LMBR1: variants seen among roughly 807,000 people sequenced by gnomAD.
LMBR1 encodes the protein limb region 1 protein homolog.
LMBR1 carries 52 observed loss-of-function variants against 73.9 expected under a neutral mutation model. The ratio of observed to expected loss-of-function variants is 0.70; its 90% CI spans 0.56 to 0.89. The LOEUF is 0.89. Among genes scored for constraint, LMBR1 ranks in the 40% least tolerant of loss-of-function variants. LMBR1 has a pLI of 0.00. For synonymous variants in LMBR1, 215 were observed against 209.4 expected (o/e 1.03, Z -0.23); for missense variants, 539 against 579.8 (o/e 0.93, Z 0.72).
chr7:156,720,749 CT>C (rs1814385276), intron 15 of LMBR1, among the ~76,000 whole-genome samples: 1 of 151,404 alleles, frequency 6.6e-6, no homozygotes, highest in Admixed American at 6.6e-5. Flanking sequence ...ATCATATATA[CT>C]TTTTGGTGAG....
At chr7:156,881,300 T>C (rs1386022969) in intron 1 of LMBR1, among the ~76,000 whole-genome samples, 3 of 152,164 alleles carry the variant, frequency 2.0e-5, no homozygotes, top group Non-Finnish European at 2.9e-5. Context: ...ATTCAAAAAA[T>C]GCAGTCTTCT....
At chr7:156,831,194 A>C (rs1836610735) in intron 3 of LMBR1, among the ~76,000 whole-genome samples, 1 of 152,070 alleles carries the variant, frequency 6.6e-6, no homozygotes, top group Non-Finnish European at 1.5e-5. Flanking sequence ...AAAGAATTCT[A>C]AGCAGACAAA....
At chr7:156,813,562 C>A (rs962316479) in intron 4 of LMBR1, among the ~76,000 whole-genome samples, 1 of 152,134 alleles carries the variant, frequency 6.6e-6, no homozygotes, top group African/African-American at 2.4e-5. Flanking sequence ...AATATACGTT[C>A]TCTTCATTCT....
intron 4 of LMBR1, among the ~76,000 whole-genome samples, chr7:156,802,647 T>C (rs1389267613): frequency 2.0e-5 from 3 of 152,184 alleles, no homozygotes; most frequent in East Asian, 3.8e-4. Flanking sequence ...ACATGGAGTA[T>C]ATAATTTGAT....
At chr7:156,773,845 G>A (rs377703300) in intron 5 of LMBR1, among the ~76,000 whole-genome samples, 22 of 152,022 alleles carry the variant, frequency 1.4e-4, no homozygotes, top group African/African-American at 5.1e-4. Flanking sequence ...AACAAAAATC[G>A]ACAAATGGGA....
In LMBR1 at chr7:156,871,533, G is replaced by A. The variant is rs1010227095; in HGVS notation, c.66+21395C>T. On this transcript the variant is annotated intron_variant, in intron 1 of 16. Coordinates refer to ENST00000353442, the MANE Select transcript of LMBR1 (RefSeq NM_022458.4). ...CAATATCCCTGAAGAATACAGATAC[G>A]AAAATCCTCAATGAAATAGTTGCTC... 2.6e-5 allele frequency among the ~76,000 whole-genome samples: 4 copies of A among 152,148 alleles called. No individual in the cohort carries two copies. In the East Asian group the frequency reaches 5.8e-4, roughly 22 times the overall value.
At chr7:156,699,742 G>T (rs1221107649) in intron 15 of LMBR1, among the ~76,000 whole-genome samples, 3 of 151,910 alleles carry the variant, frequency 2.0e-5, no homozygotes, top group Non-Finnish European at 4.4e-5. Context: ...GTGGGCAAAG[G>T]ATATGAACAG....
At chr7:156,860,230 G>A (rs1032793836) in intron 1 of LMBR1, among the ~76,000 whole-genome samples, 5 of 152,176 alleles carry the variant, frequency 3.3e-5, no homozygotes, top group Non-Finnish European at 7.3e-5. Flanking sequence ...CACGTGGCTG[G>A]GGAGGCCTCA....
chr7:156,836,870 A>G lies in LMBR1; in HGVS notation c.82T>C (p.Phe28Leu). The G allele has an allele frequency of 6.3e-7, 1 of 1,576,284 alleles. No homozygotes were observed. Among genetic ancestry groups the G allele is most frequent in the Non-Finnish European group, 8.6e-7 (1 of 1,157,044 alleles). ...TAGGAAACAACGTAGAGAATGGCAAAAAGAAGGAAACATATCTGAAACAAA... is the reference window on the plus strand; with the variant it reads ...TAGGAAACAACGTAGAGAATGGCAAGAAGAAGGAAACATATCTGAAACAAA... ...VRESTICFLLFAILYVVSYFI... is the reference protein window; with the variant it reads ...VRESTICFLLLAILYVVSYFI... The change falls in exon 2 of 17, where the codon TTT (phenylalanine) becomes CTT (leucine). Residue 28 changes from phenylalanine (F) to leucine (L), a missense_variant. Phe to Leu is a conservative substitution (Grantham distance 22, BLOSUM62 0). Coordinates refer to ENST00000353442, the MANE Select transcript of LMBR1 (RefSeq NM_022458.4).
At chr7:156,853,052 C>T (rs1233163071) in intron 1 of LMBR1, among the ~76,000 whole-genome samples, 1 of 151,908 alleles carries the variant, frequency 6.6e-6, no homozygotes, top group Non-Finnish European at 1.5e-5. Flanking sequence ...CATTTTCCCG[C>T]CTCGGCCTCC....
intron 1 of LMBR1, among the ~76,000 whole-genome samples, chr7:156,856,870 G>A (rs188134817): frequency 6.6e-5 from 10 of 152,068 alleles, no homozygotes. Flanking sequence ...TGAAATGAAT[G>A]ACAGCAAGAG....
At chr7:156,772,891 G>A (rs918106667) in intron 5 of LMBR1, among the ~76,000 whole-genome samples, 16 of 151,592 alleles carry the variant, frequency 1.1e-4, no homozygotes, top group Non-Finnish European at 2.4e-4. Context: ...GGAGAGGAGA[G>A]GCATTCATAT....
At chr7:156,676,658 T>C (rs1390295281), downstream of LMBR1, 1 of 1,609,688 alleles carries the variant, frequency 6.2e-7, no homozygotes, top group East Asian at 2.2e-5. Flanking sequence ...AATGTTGAAT[T>C]CATAGTCAAG....
rs139422300 is a variant in LMBR1, at chr7:156,679,113, G to A, written c.*4965C>T. Reference sequence around the variant, plus strand: ...TCCAGTTCATCTGCCCACTGTAAGCGTGACCCCAGGCAAATGTCTGCAGCT... The same window carrying A: ...TCCAGTTCATCTGCCCACTGTAAGCATGACCCCAGGCAAATGTCTGCAGCT... On this transcript the variant is annotated 3_prime_UTR_variant, in exon 17 of 17. Coordinates refer to ENST00000353442, the MANE Select transcript of LMBR1 (RefSeq NM_022458.4). 5.9e-5 allele frequency: 9 copies of A among 152,280 alleles called. No homozygotes were observed. Among genetic ancestry groups the A allele is most frequent in the African/African-American group, 1.2e-4 (5 of 41,534 alleles). 9.4% of individuals were successfully genotyped at this position (152,280 alleles called of 1,614,324 possible).
intron 1 of LMBR1, among the ~76,000 whole-genome samples, chr7:156,878,541 G>A (rs889279785): frequency 6.6e-6 from 1 of 152,128 alleles, no homozygotes; most frequent in Admixed American, 6.5e-5. Context: ...ACAAAATACT[G>A]CTGAAATCAT....
rs146713361 is a variant in LMBR1, at chr7:156,709,459, C to T, written c.1225+14653G>A. Among the ~76,000 whole-genome samples the T allele has an allele frequency of 5.3e-5, 8 of 152,380 alleles. No homozygotes were observed. In the East Asian group the frequency reaches 1.5e-3, roughly 29 times the overall value. Reference sequence around the variant, plus strand: ...AGGAACTCTCACAGAGTCTCCATCACTCCCCTGCCAACTCCACCAAAGCAG... The same window carrying T: ...AGGAACTCTCACAGAGTCTCCATCATTCCCCTGCCAACTCCACCAAAGCAG... On this transcript the variant is annotated intron_variant, in intron 15 of 16. Transcript: ENST00000353442.
chr7:156,821,071 C>G (rs1259228429), intron 4 of LMBR1, among the ~76,000 whole-genome samples: 1 of 152,214 alleles, frequency 6.6e-6, no homozygotes, highest in Non-Finnish European at 1.5e-5. Flanking sequence ...CATGGACCAC[C>G]AAGTTACCAT....
At chr7:156,765,059 T>C (rs888504077) in intron 5 of LMBR1, among the ~76,000 whole-genome samples, 1 of 152,196 alleles carries the variant, frequency 6.6e-6, no homozygotes, top group Non-Finnish European at 1.5e-5. Context: ...TGAGATCTCA[T>C]AGTAAGTAGC....
At chr7:156,882,031 C>T (rs1253818084) in intron 1 of LMBR1, among the ~76,000 whole-genome samples, 1 of 152,182 alleles carries the variant, frequency 6.6e-6, no homozygotes, top group Non-Finnish European at 1.5e-5. Flanking sequence ...CTTCTATATC[C>T]ACTGAGGCAA....
Sources: gnomAD v4.1 joint callset for allele counts (sites outside exome capture counted in the v4.1 genomes callset) on GRCh38, gnomAD v4.1.1 for gene constraint, MANE v1.5 for transcripts, NCBI Gene and HGNC (gene_info 2026-07-23, HGNC 2026-07-21) for gene names.